The following PRKG1 variants were observed in gnomAD, a reference collection of about 807,000 sequenced individuals.
PRKG1 encodes protein kinase cGMP-dependent 1.
Under a neutral mutation model 88.1 loss-of-function variants are expected in PRKG1, and 35 were observed. The observed-to-expected ratio is 0.40, with a 90% CI of 0.30 to 0.53. The LOEUF is 0.53. PRKG1 is among the 20% of genes least tolerant of loss of function. The probability of loss-of-function intolerance (pLI) is 0.59; values close to 1 mark genes in which losing one functional copy is unlikely to be tolerated. For missense variants in PRKG1, 540 were observed against 839.8 expected (o/e 0.64, Z 4.41); for synonymous variants, 303 against 292.5 (o/e 1.04, Z -0.37).
chr10:51,537,439 A>T (rs1233475677), intron 3 of PRKG1, among the ~76,000 whole-genome samples: 1 of 152,170 alleles, frequency 6.6e-6, no homozygotes, highest in Admixed American at 6.5e-5. Flanking sequence ...GTATATTTAA[A>T]TTACTCAGAG....
At chr10:51,585,005 G>A (rs1838135880) in intron 3 of PRKG1, among the ~76,000 whole-genome samples, 1 of 152,046 alleles carries the variant, frequency 6.6e-6, no homozygotes, top group Non-Finnish European at 1.5e-5. Flanking sequence ...AATAACAAGT[G>A]ATAGAATAGG....
At chr10:51,250,552 T>G (rs1839401103) in intron 2 of PRKG1, among the ~76,000 whole-genome samples, 1 of 151,798 alleles carries the variant, frequency 6.6e-6, no homozygotes, top group African/African-American at 2.4e-5. Context: ...AGCTTACTAC[T>G]GAAGCAAGGA....
At chr10:52,107,570 A>T (rs1847456391) in intron 7 of PRKG1, among the ~76,000 whole-genome samples, 2 of 152,188 alleles carry the variant, frequency 1.3e-5, no homozygotes, top group African/African-American at 4.8e-5. Context: ...CTTCTGCAAT[A>T]ATCTCTGTAA....
At chr10:52,011,588 CA>C (rs1844880390) in intron 5 of PRKG1, among the ~76,000 whole-genome samples, 1 of 152,154 alleles carries the variant, frequency 6.6e-6, no homozygotes, top group South Asian at 2.1e-4. Flanking sequence ...CTCCTGGAAA[CA>C]GTTTCTTAAA....
chr10:51,063,848 G>C (rs1843719609), intron 1 of PRKG1, among the ~76,000 whole-genome samples: 1 of 152,126 alleles, frequency 6.6e-6, no homozygotes, highest in East Asian at 1.9e-4. Context: ...CATTTGGACA[G>C]TAGAGGGTGC....
chr10:51,742,702 G>C (rs1470096336), intron 3 of PRKG1, among the ~76,000 whole-genome samples: 2 of 152,086 alleles, frequency 1.3e-5, no homozygotes, highest in Non-Finnish European at 2.9e-5. Flanking sequence ...ACTAATTCCA[G>C]GTGTAAAGGT....
At chr10:51,665,115 A>G (rs1840391165) in intron 3 of PRKG1, among the ~76,000 whole-genome samples, 1 of 152,158 alleles carries the variant, frequency 6.6e-6, no homozygotes, top group African/African-American at 2.4e-5. Flanking sequence ...GAATCTCACA[A>G]AACTCACATT....
At chr10:51,901,600 C>T (rs1419286109) in intron 4 of PRKG1, among the ~76,000 whole-genome samples, 1 of 152,294 alleles carries the variant, frequency 6.6e-6, no homozygotes, top group East Asian at 1.9e-4. Context: ...AGATGCTTGA[C>T]TGATTTTCAG....
intron 5 of PRKG1, among the ~76,000 whole-genome samples, chr10:51,987,701 G>A (rs573687520): frequency 1.3e-5 from 2 of 151,834 alleles, no homozygotes; most frequent in East Asian, 1.9e-4. Flanking sequence ...GTAACTATTC[G>A]CTCTAAAGAA....
intron 3 of PRKG1, among the ~76,000 whole-genome samples, chr10:51,640,322 G>A (rs1205065642): frequency 6.6e-6 from 1 of 152,224 alleles, no homozygotes; most frequent in East Asian, 1.9e-4. Context: ...TAGGTTTTAT[G>A]ATGTCAAGAA....
chr10:51,674,544 G>A (rs1204815905), intron 3 of PRKG1, among the ~76,000 whole-genome samples: 1 of 151,984 alleles, frequency 6.6e-6, no homozygotes, highest in Non-Finnish European at 1.5e-5. Flanking sequence ...AAGAAATTTG[G>A]CAGATTCTAT....
chr10:51,818,422 A>G (rs1309877783), intron 4 of PRKG1, among the ~76,000 whole-genome samples: 1 of 152,194 alleles, frequency 6.6e-6, no homozygotes, highest in East Asian at 1.9e-4. Flanking sequence ...ATTACAAAAA[A>G]AAATCAAACA....
intron 2 of PRKG1, among the ~76,000 whole-genome samples, chr10:51,422,481 C>T (rs1457907552): frequency 6.6e-6 from 1 of 152,160 alleles, no homozygotes; most frequent in Admixed American, 6.5e-5. Context: ...AGAAGTCCTG[C>T]TAAGCATGTC....
At chr10:51,342,601 T>C (rs1446606529) in intron 2 of PRKG1, among the ~76,000 whole-genome samples, 1 of 152,174 alleles carries the variant, frequency 6.6e-6, no homozygotes, top group African/African-American at 2.4e-5. Flanking sequence ...TTTAGCTCCA[T>C]TTAACTTCTA....
intron 5 of PRKG1, chr10:51,908,501 T>C (rs768275253): frequency 1.3e-5 from 2 of 152,042 alleles, no homozygotes; most frequent in Non-Finnish European, 2.9e-5. Flanking sequence ...TAGCTTTTAC[T>C]TAGAGTGAGA....
At chr10:51,108,498 CAAAACA>C (rs1172385385) in intron 1 of PRKG1, among the ~76,000 whole-genome samples, 2 of 151,880 alleles carry the variant, frequency 1.3e-5, no homozygotes, top group Non-Finnish European at 2.9e-5. Flanking sequence ...CAAAAACAAG[CAAAACA>C]AAAACAAAAA....
At chr10:51,506,631 T>C (rs1418661818) in intron 3 of PRKG1, among the ~76,000 whole-genome samples, 1 of 152,090 alleles carries the variant, frequency 6.6e-6, no homozygotes, top group Non-Finnish European at 1.5e-5. Flanking sequence ...AGAATGGTGA[T>C]CATTAAAAAG....
At chr10:51,783,640 G>T (rs916795271) in intron 3 of PRKG1, among the ~76,000 whole-genome samples, 1 of 152,040 alleles carries the variant, frequency 6.6e-6, no homozygotes, top group Non-Finnish European at 1.5e-5. Flanking sequence ...CACCACCTGG[G>T]AATTTAAGTG....
chr10:52,041,301 C>T (rs1352438802), intron 5 of PRKG1, among the ~76,000 whole-genome samples: 4 of 152,130 alleles, frequency 2.6e-5, no homozygotes, highest in Non-Finnish European at 5.9e-5. Flanking sequence ...AATGTTGAAC[C>T]ATCCCTGCAT....
Sources: allele counts gnomAD v4.1 joint callset (sites outside exome capture counted in the v4.1 genomes callset), GRCh38; gene constraint gnomAD v4.1.1; transcripts MANE v1.5; gene names NCBI Gene and HGNC (gene_info 2026-07-23, HGNC 2026-07-21).